The following SEMA3A variants were observed in gnomAD, a reference collection of about 807,000 sequenced individuals.
SEMA3A encodes the protein semaphorin-3A.
A neutral mutation model predicts 97.9 loss-of-function variants in SEMA3A; 29 were observed. The ratio of observed to expected loss-of-function variants is 0.30; its 90% CI spans 0.22 to 0.40. SEMA3A has a LOEUF of 0.40. SEMA3A is among the 10% of genes least tolerant of loss of function. The pLI is 1.00. For missense variants in SEMA3A, 763 were observed against 951.3 expected, an observed-to-expected ratio of 0.80 and a Z score of 2.60; for synonymous variants, 321 against 323.7, an observed-to-expected ratio of 0.99 and a Z score of 0.09.
chr7:84,446,735 T>C (rs72612656), intron 1 of SEMA3A, among the ~76,000 whole-genome samples: 10,322 of 152,158 alleles, frequency 0.068, 390 homozygotes, highest in East Asian at 0.12. Context: ...TCTCCTAATA[T>C]CAGAATAAGG....
intron 1 of SEMA3A, among the ~76,000 whole-genome samples, chr7:84,139,773 T>C (rs1369868137): frequency 6.6e-6 from 1 of 152,096 alleles, no homozygotes. Context: ...GATTCTTATA[T>C]GTAAAGTCCA....
intron 1 of SEMA3A, among the ~76,000 whole-genome samples, chr7:84,471,334 A>C (rs1806141354): frequency 6.6e-6 from 1 of 152,058 alleles, no homozygotes; most frequent in South Asian, 2.1e-4. Context: ...AATTTTTCTG[A>C]TTCATCATAT....
chr7:83,983,087 G>A (rs1408690993), intron 13 of SEMA3A, among the ~76,000 whole-genome samples: 1 of 151,902 alleles, frequency 6.6e-6, no homozygotes, highest in Non-Finnish European at 1.5e-5. Flanking sequence ...TTTTATTATA[G>A]TATTGAATTT....
intron 4 of SEMA3A, among the ~76,000 whole-genome samples, chr7:84,089,713 A>G (rs1390821534): frequency 1.3e-5 from 2 of 152,026 alleles, no homozygotes; most frequent in African/African-American, 4.8e-5. Flanking sequence ...ATACAATTCT[A>G]AAGGATTTTT....
chr7:84,008,517 AAG>A (rs1173066604), intron 9 of SEMA3A, among the ~76,000 whole-genome samples: 1 of 151,630 alleles, frequency 6.6e-6, no homozygotes, highest in African/African-American at 2.4e-5. Context: ...AAGAAAGAAA[AAG>A]AAATTCCATT....
chr7:84,168,201 TAAAC>T (rs558572534), intron 1 of SEMA3A, among the ~76,000 whole-genome samples: 12 of 152,066 alleles, frequency 7.9e-5, no homozygotes, highest in Non-Finnish European at 1.3e-4. Flanking sequence ...CAATGAAAAA[TAAAC>T]AAAGAGGTAG....
chr7:84,211,974 C>T (rs773923772), intron 3 of SEMA3A, among the ~76,000 whole-genome samples: 23 of 152,080 alleles, frequency 1.5e-4, no homozygotes, highest in Non-Finnish European at 3.1e-4. Context: ...TGGGAAGAAC[C>T]GGGGAAAGTA....
At position 84,325,583 on chromosome 7, in the gene SEMA3A, G is replaced by A. The variant is rs943875191; in HGVS notation, c.-168-18291C>T. On this transcript the variant is annotated intron_variant, in intron 2 of 3. Coordinates refer to the SEMA3A transcript ENST00000424555. The stretch of plus-strand genomic sequence containing the variant: ...GTGACAGGTGGCAAAGGAGATCAGC[G>A]ATATATGAGGGAGTATAACCACCAA... 5.3e-5 allele frequency among the ~76,000 whole-genome samples: 8 copies of A among 151,940 alleles called. No homozygotes were observed. The East Asian group carries it at 5.8e-4, about 11-fold the overall frequency.
intron 2 of SEMA3A, among the ~76,000 whole-genome samples, chr7:84,362,030 G>A (rs1485883549): frequency 1.3e-5 from 2 of 151,850 alleles, no homozygotes; most frequent in Non-Finnish European, 2.9e-5. Context: ...TGCTCATATA[G>A]TTTTGTATGG....
chr7:84,361,374 C>G (rs988065767), intron 2 of SEMA3A, among the ~76,000 whole-genome samples: 1 of 151,420 alleles, frequency 6.6e-6, no homozygotes, highest in African/African-American at 2.4e-5. Flanking sequence ...TATTCCTGAA[C>G]AAGGGAAAGA....
At chr7:84,348,144 G>C (rs1251691067) in intron 2 of SEMA3A, among the ~76,000 whole-genome samples, 1 of 152,058 alleles carries the variant, frequency 6.6e-6, no homozygotes, top group African/African-American at 2.4e-5. Context: ...AATAAAAAAT[G>C]CTGCTGAATA....
At chr7:84,251,975 TATA>T (rs1799620935) in intron 3 of SEMA3A, among the ~76,000 whole-genome samples, 1 of 152,176 alleles carries the variant, frequency 6.6e-6, no homozygotes, top group East Asian at 1.9e-4. Flanking sequence ...GAATTATTCT[TATA>T]ATAAATAAAA....
At chr7:84,236,146 T>C (rs1289970232) in intron 3 of SEMA3A, among the ~76,000 whole-genome samples, 1 of 152,148 alleles carries the variant, frequency 6.6e-6, no homozygotes, top group East Asian at 1.9e-4. Flanking sequence ...CCTTCAATTT[T>C]AAGTGCACCA....
chr7:84,473,141 G>GGTGTGTGTGT (rs61623414), intron 1 of SEMA3A, among the ~76,000 whole-genome samples: 4,379 of 141,460 alleles, frequency 0.031, 188 homozygotes, highest in African/African-American at 0.1. Context: ...AAAAAGAAAT[G>GGTGTGTGTGT]GTGTGTGTGT....
chr7:84,359,793 T>C (rs1369932088), intron 2 of SEMA3A, among the ~76,000 whole-genome samples: 1 of 152,148 alleles, frequency 6.6e-6, no homozygotes, highest in African/African-American at 2.4e-5. Flanking sequence ...TGGTAAGCTA[T>C]TAATTATTGC....
chr7:84,348,846 T>C (rs546250440), intron 2 of SEMA3A, among the ~76,000 whole-genome samples: 2 of 152,212 alleles, frequency 1.3e-5, no homozygotes, highest in East Asian at 3.9e-4. Flanking sequence ...TAGCTGGGCA[T>C]GGTGGCAGGT....
At chr7:84,385,129 G>A (rs935761387) in intron 1 of SEMA3A, among the ~76,000 whole-genome samples, 9 of 151,392 alleles carry the variant, frequency 5.9e-5, no homozygotes, top group African/African-American at 2.2e-4. Context: ...AACAGACACA[G>A]AACAGATACC....
chr7:84,185,395 G>A (rs1173464742), intron 1 of SEMA3A, among the ~76,000 whole-genome samples: 2 of 151,922 alleles, frequency 1.3e-5, no homozygotes, highest in Non-Finnish European at 2.9e-5. Flanking sequence ...GCTGGGTGTG[G>A]GTGTGGTGAC....
chr7:84,170,779 T>C (rs1406557807), intron 1 of SEMA3A, among the ~76,000 whole-genome samples: 1 of 152,054 alleles, frequency 6.6e-6, no homozygotes, highest in African/African-American at 2.4e-5. Flanking sequence ...TTGGAAATAG[T>C]GTGTGGCTTT....
Sources: gnomAD v4.1 joint callset for allele counts (sites outside exome capture counted in the v4.1 genomes callset) on GRCh38, gnomAD v4.1.1 for gene constraint, MANE v1.5 for transcripts, NCBI Gene and HGNC (gene_info 2026-07-23, HGNC 2026-07-21) for gene names.